BRSK2: variants seen among roughly 807,000 people sequenced by gnomAD.
The protein encoded by BRSK2 is serine/threonine-protein kinase BRSK2.
In BRSK2, 19 loss-of-function variants were observed where a neutral mutation model predicts 83.3. That is an observed-to-expected ratio of 0.23 (90% CI 0.16 to 0.33). The LOEUF is 0.33. BRSK2 is among the 10% of genes least tolerant of loss of function. The pLI, the probability that BRSK2 is intolerant of heterozygous loss-of-function variation, is 1.00. For synonymous variants in BRSK2, 519 were observed against 435.4 expected, an observed-to-expected ratio of 1.19 and a Z score of -2.39; for missense variants, 798 against 1,042.3, an observed-to-expected ratio of 0.77 and a Z score of 3.23.
intron 1 of BRSK2, chr11:1,409,463 C>G (rs946167704): frequency 2.6e-4 from 39 of 152,210 alleles, no homozygotes; most frequent in African/African-American, 8.9e-4. Flanking sequence ...AGGGCCTTTT[C>G]CCCCAGTTCA....
Position 1,436,062 on chromosome 11 carries a change from C to A in BRSK2, c.114C>A (p.His38Gln). ...GQTGLVKLGV[H>Q]CVTCQKVAIK... ...CAGGTCTGGTGAAGCTGGGGGTTCACTGCGTCACCTGCCAGAAGGTGGCCA... is the reference window on the plus strand; with the variant it reads ...CAGGTCTGGTGAAGCTGGGGGTTCAATGCGTCACCTGCCAGAAGGTGGCCA... Residue 38 changes from histidine (H) to glutamine (Q), a missense_variant, in exon 2 of 20, where the codon CAC becomes CAA. Coordinates refer to ENST00000528841, the MANE Select transcript of BRSK2 (RefSeq NM_001256627.2). The A allele has an allele frequency of 6.2e-7, 1 of 1,606,626 alleles. No individual in the cohort carries two copies. Among genetic ancestry groups the A allele is most frequent in the Non-Finnish European group, 8.5e-7 (1 of 1,176,756 alleles).
Position 1,461,073 on chromosome 11 carries a change from G to C in BRSK2, c.*350G>C. 1.3e-6 allele frequency: 2 copies of C among 1,583,264 alleles called. No homozygotes were observed. Among genetic ancestry groups the C allele is most frequent in the Non-Finnish European group, 1.7e-6 (2 of 1,160,526 alleles). On this transcript the variant is annotated 3_prime_UTR_variant, in exon 20 of 20. Coordinates refer to ENST00000528841, the MANE Select transcript of BRSK2 (RefSeq NM_001256627.2). ...TCCCTCCGCTCCTGCTGTTGCTGCC[G>C]GGCAGTGAGGCCCAGCCCAGCGCCC...
chr11:1,459,544 G>C (rs935431327), intron 19 of BRSK2: 21 of 425,238 alleles, frequency 4.9e-5, no homozygotes, highest in African/African-American at 3.8e-4. Context: ...TCCCACTGGT[G>C]CAGGCTGTGG....
At chr11:1,459,095 T>C in intron 18 of BRSK2, 97 bp from the exon 19 acceptor site, 2 of 1,070,398 alleles carry the variant, frequency 1.9e-6, no homozygotes, top group Non-Finnish European at 2.6e-6. Context: ...CACTCCTGGC[T>C]CCACCCCCTC....
rs1446062642 is a variant in BRSK2, at chr11:1,394,778, ATGGAGATGGGTCC to A, written c.91+4427_91+4439del. Among the ~76,000 whole-genome samples the A allele has an allele frequency of 1.1e-4, 6 of 56,244 alleles. 1 individual carries two copies. Among genetic ancestry groups the A allele is most frequent in the East Asian group, 1.2e-3 (2 of 1,694 alleles). 36.9% of individuals were successfully genotyped at this position (56,244 alleles called of 152,430 possible). A position where few individuals can be genotyped will look rare whatever the true frequency, so the allele number is the denominator to read the frequency against. On this transcript the variant is annotated intron_variant, in intron 1 of 19. Transcript: ENST00000528841. ...GGAGATGGGCCCCTGGAGATGGGCC[ATGGAGATGGGTCC>A]TGGAGATGGGTCCTGGAGATGGGCC...
At chr11:1,441,401 T>C (rs1193045670) in intron 4 of BRSK2, among the ~76,000 whole-genome samples, 1 of 16,856 alleles carries the variant, frequency 5.9e-5, no homozygotes, top group Non-Finnish European at 1.1e-4. Context: ...TCAAGTGCAC[T>C]GTCCCCCCAT....
chr11:1,450,544 C>G (rs555025299), intron 13 of BRSK2, 43 bp from the exon 14 acceptor site: 3 of 1,134,576 alleles, frequency 2.6e-6, no homozygotes, highest in Non-Finnish European at 3.8e-6. Context: ...GGCCCCCACC[C>G]GCCGGGATTG....
At chr11:1,418,030 T>C (rs796786440) in intron 1 of BRSK2, among the ~76,000 whole-genome samples, 3 of 151,112 alleles carry the variant, frequency 2.0e-5, no homozygotes, top group African/African-American at 2.4e-5. Flanking sequence ...TGGCAGTTTC[T>C]TCTCTTGAGA....
chr11:1,410,549 G>A lies in BRSK2; in HGVS notation c.91+20174G>A, dbSNP rs866868282. Reference sequence around the variant, plus strand: ...AAGGCCTCACTGCTGAGCACGAGACGCCGCTTTTGATGTCGTCAGGCTCTC... The same window carrying A: ...AAGGCCTCACTGCTGAGCACGAGACACCGCTTTTGATGTCGTCAGGCTCTC... On this transcript the variant is annotated intron_variant, in intron 1 of 19. Coordinates refer to ENST00000528841, the MANE Select transcript of BRSK2 (RefSeq NM_001256627.2). 3.3e-5 allele frequency: 33 copies of A among 985,344 alleles called. No homozygotes were observed. In the South Asian group the frequency reaches 1.2e-3, roughly 36 times the overall value. 61.0% of individuals were successfully genotyped at this position (985,344 alleles called of 1,614,324 possible).
At chr11:1,394,066 CTGGAGATGGGCCA>C (rs1436764349) in intron 1 of BRSK2, among the ~76,000 whole-genome samples, 21 of 131,206 alleles carry the variant, frequency 1.6e-4, no homozygotes, top group African/African-American at 5.8e-4. Flanking sequence ...GAGATGGGTC[CTGGAGATGGGCCA>C]TGGAGATGGG....
intron 1 of BRSK2, among the ~76,000 whole-genome samples, chr11:1,398,784 G>T (rs74046932): frequency 1.3e-5 from 2 of 152,036 alleles, no homozygotes; most frequent in African/African-American, 2.4e-5. Context: ...CCTGGTCCCC[G>T]CACTCAAGCT....
intron 1 of BRSK2, among the ~76,000 whole-genome samples, chr11:1,392,023 A>T (rs1340145641): frequency 1.3e-5 from 2 of 152,108 alleles, no homozygotes; most frequent in East Asian, 1.9e-4. Context: ...AAACAGCTCG[A>T]GGGGGGGCAC....
In BRSK2 at chr11:1,450,726, G is replaced by T; in HGVS notation, c.1427G>T (p.Arg476Met). ...SSPSVGGVPW[R>M]ARLNSIKNSF... ...CCCAGCGTCGGAGGGGTGCCCTGGA[G>T]GGCGCGGCTCAACTCCATCAAGAAC... Residue 476 changes from arginine (R) to methionine (M), a missense_variant, in exon 14 of 20, where the codon AGG (arginine) becomes ATG (methionine). Arg to Met is a moderately conservative substitution (Grantham distance 91). Coordinates refer to ENST00000528841, the MANE Select transcript of BRSK2 (RefSeq NM_001256627.2). 1 of 1,602,348 alleles carries T rather than the reference G, an allele frequency of 6.2e-7. No homozygotes were observed. Among genetic ancestry groups the T allele is most frequent in the South Asian group, 1.1e-5 (1 of 89,726 alleles).
chr11:1,454,569 G>A lies in BRSK2; in HGVS notation c.1629G>A (p.Leu543=). 1 of 1,613,274 alleles carries A rather than the reference G, an allele frequency of 6.2e-7. No homozygotes were observed. Among genetic ancestry groups the A allele is most frequent in the Admixed American group, 1.7e-5 (1 of 60,020 alleles). The part of the protein sequence containing the change: ...QIFVVIKDKP[L]SSIKADIVHA... ...TCGTGGTCATCAAAGACAAACCTCT[G>A]AGCTCCATCAAGGCTGACATCGTGC... is the stretch of plus-strand genomic sequence containing the variant. Residue 543 remains leucine, a synonymous_variant, in exon 16 of 20, where the codon CTG becomes CTA. Coordinates refer to ENST00000528841, the MANE Select transcript of BRSK2 (RefSeq NM_001256627.2). The surrounding 1 kb of genome is among the most constrained non-coding windows in gnomAD (Gnocchi z 5.2).
In BRSK2 at chr11:1,423,011, C is replaced by T. The variant is rs146727664; in HGVS notation, c.92-13029C>T. On this transcript the variant is annotated intron_variant, in intron 1 of 19. Transcript: ENST00000528841. The surrounding 1 kb of genome is among the most constrained non-coding windows in gnomAD (Gnocchi z 6.5). ...TCCTGGGAAAGGGAACAGAGCTTTG[C>T]GAAGATCAAGGGGAGGGCAATGCAG... 5.0e-3 allele frequency among the ~76,000 whole-genome samples: 761 copies of T among 152,266 alleles called. 5 individuals are homozygous for T. The highest frequency in any genetic ancestry group is 0.018 in the African/African-American group (731 of 41,552).
chr11:1,418,336 C>T (rs1848315057), intron 1 of BRSK2, among the ~76,000 whole-genome samples: 1 of 147,064 alleles, frequency 6.8e-6, no homozygotes, highest in African/African-American at 2.6e-5. Context: ...GAGTGGGTCA[C>T]CTGTGTCCTG....
intron 1 of BRSK2, chr11:1,409,491 A>G (rs11025835): frequency 0.13 from 19,411 of 152,168 alleles, 2,259 homozygotes; most frequent in African/African-American, 0.3. Flanking sequence ...TCCCCTGCTC[A>G]GGGTGTGCCG....
Position 1,460,970 on chromosome 11 carries a change from G to C in BRSK2, c.*247G>C, listed in dbSNP as rs1847432125. 1 of 1,612,358 alleles carries C rather than the reference G, an allele frequency of 6.2e-7. No individual in the cohort carries two copies. Among genetic ancestry groups the C allele is most frequent in the African/African-American group, 1.3e-5 (1 of 74,886 alleles). ...TCGCTTGTTTCCACTCTGATACCAG[G>C]AATTATCCCGAAAAGTTAACATGTC... On this transcript the variant is annotated 3_prime_UTR_variant, in exon 20 of 20. Coordinates refer to ENST00000528841, the MANE Select transcript of BRSK2 (RefSeq NM_001256627.2).
In BRSK2 at chr11:1,456,951, G is replaced by A. The variant is rs771206837; in HGVS notation, c.1939+264G>A. On this transcript the variant is annotated intron_variant, in intron 18 of 19. Coordinates refer to ENST00000528841, the MANE Select transcript of BRSK2 (RefSeq NM_001256627.2). Reference sequence around the variant, plus strand: ...CACTGAAAGGCGCCTCTTGTCCACCGTAGAACCCCCCCCACCAGCGCCAGG... The same window carrying A: ...CACTGAAAGGCGCCTCTTGTCCACCATAGAACCCCCCCCACCAGCGCCAGG... 398 of 1,597,120 alleles carry A rather than the reference G, an allele frequency of 2.5e-4. 3 individuals are homozygous for A. Among genetic ancestry groups the A allele is most frequent in the Non-Finnish European group, 3.1e-4 (361 of 1,179,252 alleles).
Sources: allele counts gnomAD v4.1 joint callset (sites outside exome capture counted in the v4.1 genomes callset), GRCh38; gene constraint gnomAD v4.1.1; non-coding constraint Gnocchi (gnomAD v3.1); transcripts MANE v1.5; gene names NCBI Gene and HGNC (gene_info 2026-07-23, HGNC 2026-07-21).